Variants in FAM13C observed in about 807,000 individuals in gnomAD.
FAM13C encodes the protein protein FAM13C.
In FAM13C, 37 loss-of-function variants were observed where a neutral mutation model predicts 73.2. The ratio of observed to expected loss-of-function variants is 0.51; its 90% CI spans 0.39 to 0.67. FAM13C has a LOEUF of 0.67. FAM13C is among the 30% of genes least tolerant of loss of function. The probability of loss-of-function intolerance (pLI) is 0.00; values close to 1 mark genes in which losing one functional copy is unlikely to be tolerated. For synonymous variants in FAM13C, 246 were observed against 260.9 expected (o/e 0.94, Z 0.55); for missense variants, 589 against 715.6 (o/e 0.82, Z 2.02).
chr10:59,318,377 C>T (rs1849790829), intron 4 of FAM13C, among the ~76,000 whole-genome samples: 1 of 152,054 alleles, frequency 6.6e-6, no homozygotes, highest in Non-Finnish European at 1.5e-5. Context: ...TTGTGCTCTA[C>T]AGCAGGGGAG....
intron 10 of FAM13C, among the ~76,000 whole-genome samples, chr10:59,259,964 C>G (rs1463071619): frequency 6.6e-6 from 1 of 152,060 alleles, no homozygotes; most frequent in Non-Finnish European, 1.5e-5. Flanking sequence ...CTGAAAGATA[C>G]TAAATGTAAT....
intron 4 of FAM13C, among the ~76,000 whole-genome samples, chr10:59,303,859 T>C (rs1004511434): frequency 2.6e-5 from 4 of 152,176 alleles, no homozygotes; most frequent in African/African-American, 7.2e-5. Context: ...TCTTTTAAAG[T>C]GTCTGTTCGG....
At position 59,362,465 on chromosome 10, in the gene FAM13C, C is replaced by T. The variant is rs1168241578; in HGVS notation, c.-5G>A. 1.9e-6 allele frequency: 3 copies of T among 1,612,790 alleles called. No individual in the cohort carries two copies. In the African/African-American group the frequency reaches 4.0e-5, roughly 22 times the overall value. On this transcript the variant is annotated 5_prime_UTR_variant, in exon 1 of 14. Coordinates refer to ENST00000618804, the MANE Select transcript of FAM13C (RefSeq NM_198215.4). ...GAAACAGAAACAAGAAAACATCAGC[C>T]AAGTCTGGCCGGGGAGCCGTCTCCC...
At chr10:59,332,952 A>C (rs1380265608) in intron 3 of FAM13C, among the ~76,000 whole-genome samples, 2 of 152,168 alleles carry the variant, frequency 1.3e-5, no homozygotes, top group East Asian at 3.9e-4. Context: ...AGGAAATGCT[A>C]ATTTCTGGGG....
intron 9 of FAM13C, among the ~76,000 whole-genome samples, chr10:59,263,560 A>T (rs1197021739): frequency 3.9e-5 from 6 of 152,302 alleles, no homozygotes; most frequent in Admixed American, 1.3e-4. Flanking sequence ...AAATTATAAT[A>T]GTCTATTTTA....
At chr10:59,311,966 T>A (rs568533123) in intron 4 of FAM13C, among the ~76,000 whole-genome samples, 2 of 152,148 alleles carry the variant, frequency 1.3e-5, no homozygotes, top group Admixed American at 1.3e-4. Flanking sequence ...AAGAGGAACC[T>A]CAAGTAAGAA....
intron 3 of FAM13C, among the ~76,000 whole-genome samples, chr10:59,335,165 C>T (rs141728748): frequency 3.0e-3 from 451 of 152,300 alleles, no homozygotes; most frequent in Non-Finnish European, 4.9e-3. Context: ...ATTGCTAAGT[C>T]TTTAATCAGA....
chr10:59,338,684 A>T (rs1853089069), intron 3 of FAM13C, among the ~76,000 whole-genome samples: 1 of 152,278 alleles, frequency 6.6e-6, no homozygotes, highest in Non-Finnish European at 1.5e-5. Flanking sequence ...CCAAGGTAGA[A>T]GTCCCCACTC....
intron 5 of FAM13C, among the ~76,000 whole-genome samples, chr10:59,298,871 C>T (rs534415823): frequency 6.6e-6 from 1 of 152,184 alleles, no homozygotes; most frequent in Admixed American, 6.6e-5. Context: ...ATTGAAAGGC[C>T]TCAATACTGT....
intron 4 of FAM13C, among the ~76,000 whole-genome samples, chr10:59,313,265 C>A (rs1849150478): frequency 6.6e-6 from 1 of 152,174 alleles, no homozygotes; most frequent in African/African-American, 2.4e-5. Context: ...TTAAGCTAAG[C>A]AATAGCCTTC....
chr10:59,354,322 C>T (rs1467571081), intron 2 of FAM13C, among the ~76,000 whole-genome samples: 2 of 152,082 alleles, frequency 1.3e-5, no homozygotes, highest in East Asian at 3.9e-4. Context: ...AAACGTAAAA[C>T]CTGGTTACAA....
chr10:59,249,654 T>C (rs1032169795), intron 13 of FAM13C, among the ~76,000 whole-genome samples: 1 of 152,218 alleles, frequency 6.6e-6, no homozygotes, highest in African/African-American at 2.4e-5. Context: ...TTTTAACTTA[T>C]GGATGCTTAG....
At chr10:59,352,628 A>G (rs1855214106) in intron 2 of FAM13C, among the ~76,000 whole-genome samples, 154 bp from the exon 3 acceptor site, 1 of 152,188 alleles carries the variant, frequency 6.6e-6, no homozygotes, top group Non-Finnish European at 1.5e-5. Context: ...TTGCATGAAC[A>G]AAAACTTAAA....
At chr10:59,345,417 TTGCCC>T (rs1394211224) in intron 3 of FAM13C, among the ~76,000 whole-genome samples, 1 of 152,248 alleles carries the variant, frequency 6.6e-6, no homozygotes, top group Non-Finnish European at 1.5e-5. Context: ...CTGAGATGTA[TTGCCC>T]AGGCAAACTA....
intron 8 of FAM13C, 85 bp from the exon 9 acceptor site, chr10:59,264,251 T>G: frequency 1.1e-6 from 1 of 922,038 alleles, no homozygotes. Flanking sequence ...AAAAACAAAA[T>G]TTTTAAACAG....
upstream of FAM13C, chr10:59,362,606 G>C: frequency 1.4e-6 from 2 of 1,480,600 alleles, no homozygotes; most frequent in South Asian, 1.4e-5. Flanking sequence ...TGCTCGTAAC[G>C]ACACCCCCAG....
At position 59,296,332 on chromosome 10, in the gene FAM13C, T is replaced by C. The variant is rs558821637; in HGVS notation, c.507+6469A>G. ...TGCATACCGACTCAAAGAGGGACAC[T>C]GCATGTGTGCAAATTGTCCTACTTT... On this transcript the variant is annotated intron_variant, in intron 5 of 13. Coordinates refer to ENST00000618804, the MANE Select transcript of FAM13C (RefSeq NM_198215.4). 2.9e-4 allele frequency among the ~76,000 whole-genome samples: 44 copies of C among 152,352 alleles called. 2 individuals are homozygous for C. The highest frequency in any genetic ancestry group is 5.0e-4 in the Non-Finnish European group (34 of 68,044).
At chr10:59,308,726 C>T (rs1848577056) in intron 4 of FAM13C, among the ~76,000 whole-genome samples, 1 of 152,172 alleles carries the variant, frequency 6.6e-6, no homozygotes, top group Admixed American at 6.5e-5. Flanking sequence ...GAGCTTTTCC[C>T]TGGATTCAAA....
chr10:59,311,913 C>T (rs895335643), intron 4 of FAM13C, among the ~76,000 whole-genome samples: 4 of 152,134 alleles, frequency 2.6e-5, no homozygotes, highest in African/African-American at 9.7e-5. Flanking sequence ...CCTGGGACCA[C>T]CTTCCTGTAC....
Sources: allele counts gnomAD v4.1 joint callset (sites outside exome capture counted in the v4.1 genomes callset), GRCh38; gene constraint gnomAD v4.1.1; transcripts MANE v1.5; gene names NCBI Gene and HGNC (gene_info 2026-07-23, HGNC 2026-07-21).